Variants in GRB2 observed in about 807,000 individuals in gnomAD.
GRB2 encodes the protein growth factor receptor-bound protein 2.
Under a neutral mutation model 27.4 loss-of-function variants are expected in GRB2, and 2 were observed. That is an observed-to-expected ratio of 0.07 (90% CI 0.03 to 0.23). The LOEUF is 0.23. Ranked by LOEUF, GRB2 falls within the 10% of genes least tolerant of loss-of-function variation. The probability of loss-of-function intolerance (pLI) is 1.00; values close to 1 mark genes in which losing one functional copy is unlikely to be tolerated. For missense variants in GRB2, 102 were observed against 282.4 expected, an observed-to-expected ratio of 0.36 and a Z score of 4.58; for synonymous variants, 94 against 99.6, an observed-to-expected ratio of 0.94 and a Z score of 0.33.
At position 75,320,956 on chromosome 17, in the gene GRB2, A is replaced by G. The variant is rs61757945; in HGVS notation, c.469-403T>C. Among the ~76,000 whole-genome samples, 6 of 152,274 alleles carry G rather than the reference A, an allele frequency of 3.9e-5. No homozygotes were observed. Among genetic ancestry groups the G allele is most frequent in the African/African-American group, 9.6e-5 (4 of 41,546 alleles). On this transcript the variant is annotated intron_variant, in intron 5 of 5. Coordinates refer to ENST00000316804, the MANE Select transcript of GRB2 (RefSeq NM_002086.5). The surrounding 1 kb of genome is among the most constrained non-coding windows in gnomAD (Gnocchi z 4.3). ...CCTAAAGTTCTGGAGCTCGAATAAC[A>G]TAAGGGGCTCTAACCGTAACTTACG...
chr17:75,326,270 A>G (rs375446233), intron 3 of GRB2: 2 of 495,080 alleles, frequency 4.0e-6, no homozygotes. Context: ...CTCTTTCTAT[A>G]GAGGGAGACA....
intron 2 of GRB2, among the ~76,000 whole-genome samples, chr17:75,391,383 T>C (rs1435222044): frequency 6.6e-6 from 1 of 152,120 alleles, no homozygotes; most frequent in Non-Finnish European, 1.5e-5. Flanking sequence ...TCCCTAATAA[T>C]AGGATGGGAA....
intron 2 of GRB2, chr17:75,387,679 TC>T (rs2078973396): frequency 6.6e-6 from 1 of 151,780 alleles, no homozygotes; most frequent in South Asian, 2.1e-4. Context: ...GCGCCTATAA[TC>T]CCATCTACTC....
At chr17:75,350,212 T>C (rs996626448) in intron 2 of GRB2, among the ~76,000 whole-genome samples, 6 of 124,926 alleles carry the variant, frequency 4.8e-5, no homozygotes, top group African/African-American at 1.4e-4. Context: ...CCAGGCAATA[T>C]AGCAAGATCT....
chr17:75,388,593 G>GGGGGA (rs2078979729), intron 2 of GRB2, among the ~76,000 whole-genome samples: 1 of 136,876 alleles, frequency 7.3e-6, no homozygotes, highest in African/African-American at 2.7e-5. Context: ...TGGGGGGGGG[G>GGGGGA]AAGAAAAACA....
intron 2 of GRB2, among the ~76,000 whole-genome samples, chr17:75,359,948 A>C (rs1223498070): frequency 1.3e-5 from 2 of 151,786 alleles, no homozygotes; most frequent in Non-Finnish European, 1.5e-5. Context: ...TTGTTGGAAA[A>C]AGTGGTGTGT....
chr17:75,402,077 T>C (rs1215864450), intron 1 of GRB2, among the ~76,000 whole-genome samples: 1 of 152,222 alleles, frequency 6.6e-6, no homozygotes, highest in African/African-American at 2.4e-5. Flanking sequence ...TAGCCTAGCC[T>C]ACCTTACCTT....
chr17:75,330,204 A>G (rs2078529627), intron 3 of GRB2, among the ~76,000 whole-genome samples: 1 of 151,948 alleles, frequency 6.6e-6, no homozygotes, highest in Admixed American at 6.6e-5. Flanking sequence ...CAACACAGTG[A>G]AACCCCATCT....
chr17:75,365,753 T>C (rs1036599034), intron 2 of GRB2, among the ~76,000 whole-genome samples: 1 of 151,838 alleles, frequency 6.6e-6, no homozygotes, highest in Non-Finnish European at 1.5e-5. Flanking sequence ...ATAGAAGTGG[T>C]TAGAAACAAT....
At chr17:75,368,717 T>C (rs1304059648) in intron 2 of GRB2, among the ~76,000 whole-genome samples, 1 of 151,906 alleles carries the variant, frequency 6.6e-6, no homozygotes, top group Non-Finnish European at 1.5e-5. Flanking sequence ...GCTCATTTTT[T>C]TATTTTTATT....
chr17:75,346,918 G>A lies in GRB2; in HGVS notation c.79-14121C>T, dbSNP rs538334480. 2.0e-5 allele frequency among the ~76,000 whole-genome samples: 3 copies of A among 151,990 alleles called. No homozygotes were observed. In the South Asian group the frequency reaches 6.2e-4, roughly 32 times the overall value. ...CATCAACAGGCTCCCTCACTCTCTG[G>A]CTCCCAGTGCTATTAATCAATGGGG... On this transcript the variant is annotated intron_variant, in intron 2 of 5. Transcript: ENST00000316804.
intron 4 of GRB2, 76 bp downstream of exon 4, chr17:75,325,822 G>C: frequency 6.9e-7 from 1 of 1,456,174 alleles, no homozygotes; most frequent in East Asian, 2.3e-5. Context: ...TGTGTAGCCA[G>C]GCACCTGACC....
intron 3 of GRB2, among the ~76,000 whole-genome samples, chr17:75,328,612 A>G (rs1256287497): frequency 6.6e-6 from 1 of 151,844 alleles, no homozygotes; most frequent in Non-Finnish European, 1.5e-5. Flanking sequence ...ATTGCACTCC[A>G]GCCTGGGCAA....
rs1443773749 is a variant in GRB2, at chr17:75,320,786, A to G, written c.469-233T>C. On this transcript the variant is annotated intron_variant, in intron 5 of 5. Transcript: ENST00000316804. This position sits in a 1 kb window ranked among gnomAD's most constrained non-coding sequence, Gnocchi z 4.3. ...CAGAAAATATTAGAGTATGTCTCCC[A>G]GAGGAGGGTGGCCAACTGTGCCGTA... Among the ~76,000 whole-genome samples the G allele has an allele frequency of 6.6e-6, 1 of 152,100 alleles. No homozygotes were observed.
chr17:75,381,868 T>C (rs2078931327), intron 2 of GRB2, among the ~76,000 whole-genome samples: 1 of 152,142 alleles, frequency 6.6e-6, no homozygotes, highest in South Asian at 2.1e-4. Flanking sequence ...TTTCTCACTT[T>C]ATAACTAAAC....
Position 75,401,055 on chromosome 17 carries a change from C to T in GRB2, c.-138+4434G>A, listed in dbSNP as rs555489694. On this transcript the variant is annotated intron_variant, in intron 1 of 5. Coordinates refer to ENST00000316804, the MANE Select transcript of GRB2 (RefSeq NM_002086.5). Reference sequence around the variant, plus strand: ...TCTGCTCAAAGCAACCTCCACCTCCCGGGTTCAAGCCATTCTCCTCAAATT... The same window carrying T: ...TCTGCTCAAAGCAACCTCCACCTCCTGGGTTCAAGCCATTCTCCTCAAATT... 4.4e-4 allele frequency among the ~76,000 whole-genome samples: 67 copies of T among 151,818 alleles called. 1 individual carries two copies. In the South Asian group the frequency reaches 8.1e-3, roughly 18 times the overall value.
chr17:75,350,514 C>T (rs1161494572), intron 2 of GRB2, among the ~76,000 whole-genome samples: 1 of 152,178 alleles, frequency 6.6e-6, no homozygotes. Flanking sequence ...TTTTTTGAGA[C>T]GGAGTCTCGC....
chr17:75,359,513 TAATAATAATA>T lies in GRB2; in HGVS notation c.79-26726_79-26717del, dbSNP rs577298388. ...AGAGTGAGGCATTGTCTCAAAATAA[TAATAATAATA>T]AATAATAATAATAATTTCAGATTGG... On this transcript the variant is annotated intron_variant, in intron 2 of 5. Coordinates refer to ENST00000316804, the MANE Select transcript of GRB2 (RefSeq NM_002086.5). Among the ~76,000 whole-genome samples, 195 of 150,400 alleles carry T rather than the reference TAATAATAATA, an allele frequency of 1.3e-3. 9 individuals carry two copies. The South Asian group carries it at 0.04, about 30-fold the overall frequency.
At chr17:75,332,141 T>C (rs976895359) in intron 3 of GRB2, among the ~76,000 whole-genome samples, 1 of 152,126 alleles carries the variant, frequency 6.6e-6, no homozygotes, top group Non-Finnish European at 1.5e-5. Context: ...TATGTTGCGT[T>C]ATTAATAAAA....
Sources: gnomAD v4.1 joint callset for allele counts (sites outside exome capture counted in the v4.1 genomes callset) on GRCh38, gnomAD v4.1.1 for gene constraint, Gnocchi (gnomAD v3.1) non-coding constraint, MANE v1.5 for transcripts, NCBI Gene and HGNC (gene_info 2026-07-23, HGNC 2026-07-21) for gene names.